The following ZNF385B variants were observed in gnomAD, a reference collection of about 807,000 sequenced individuals.
ZNF385B encodes zinc finger protein 533.
Under a neutral mutation model 39.2 loss-of-function variants are expected in ZNF385B, and 23 were observed. The observed-to-expected ratio is 0.59, with a 90% confidence interval of 0.42 to 0.83. The LOEUF (loss-of-function observed/expected upper bound fraction) is 0.83. Ranked by LOEUF, ZNF385B falls within the 40% of genes least tolerant of loss-of-function variation. The pLI, the probability that ZNF385B is intolerant of heterozygous loss-of-function variation, is 0.00. For synonymous variants in ZNF385B, 205 were observed against 222.6 expected, an observed-to-expected ratio of 0.92 and a Z score of 0.70; for missense variants, 552 against 598.9, an observed-to-expected ratio of 0.92 and a Z score of 0.82.
intron 3 of ZNF385B, among the ~76,000 whole-genome samples, chr2:179,729,435 G>A (rs1360733485): frequency 6.6e-6 from 1 of 152,174 alleles, no homozygotes; most frequent in Non-Finnish European, 1.5e-5. Context: ...AAACCTCTCA[G>A]AAGTTTCAAG....
intron 1 of ZNF385B, among the ~76,000 whole-genome samples, chr2:179,799,480 G>A (rs943490793): frequency 3.9e-5 from 6 of 151,952 alleles, no homozygotes; most frequent in Admixed American, 2.6e-4. Flanking sequence ...TGAAATATTG[G>A]TATGTAAAAA....
At chr2:179,492,327 C>G (rs1030452356) in intron 5 of ZNF385B, among the ~76,000 whole-genome samples, 2 of 152,106 alleles carry the variant, frequency 1.3e-5, no homozygotes, top group African/African-American at 4.8e-5. Flanking sequence ...ATAAGTAATG[C>G]AATATAATTC....
At position 179,645,732 on chromosome 2, in the gene ZNF385B, C is replaced by T. The variant is rs189466144; in HGVS notation, c.299-100763G>A. On this transcript the variant is annotated intron_variant, in intron 3 of 9. Coordinates refer to ENST00000410066, the MANE Select transcript of ZNF385B (RefSeq NM_152520.6). Reference sequence around the variant, plus strand: ...GGGGCTTTCTTTCTCATGAGCCCAGCCTGATGCGTGCTCTCCTTTCCTGAA... The same window carrying T: ...GGGGCTTTCTTTCTCATGAGCCCAGTCTGATGCGTGCTCTCCTTTCCTGAA... Among the ~76,000 whole-genome samples the T allele has an allele frequency of 3.9e-5, 6 of 152,286 alleles. No individual in the cohort carries two copies. In the South Asian group the frequency reaches 1.2e-3, roughly 32 times the overall value.
intron 6 of ZNF385B, among the ~76,000 whole-genome samples, chr2:179,448,939 A>C (rs2049794474): frequency 6.6e-6 from 1 of 152,144 alleles, no homozygotes. Context: ...CAATCATTTG[A>C]TTTAGGTTAT....
chr2:179,531,507 G>A (rs2059250567), intron 4 of ZNF385B, among the ~76,000 whole-genome samples: 1 of 151,904 alleles, frequency 6.6e-6, no homozygotes, highest in Non-Finnish European at 1.5e-5. Context: ...GTGGTGGTGG[G>A]CACCTGTAAT....
At chr2:179,784,412 C>G (rs146850360) in intron 1 of ZNF385B, among the ~76,000 whole-genome samples, 619 of 151,950 alleles carry the variant, frequency 4.1e-3, no homozygotes, top group Middle Eastern at 0.014. Context: ...ACAACAAACC[C>G]TTGTTCATGT....
chr2:179,850,387 G>A (rs1709019117), intron 1 of ZNF385B, among the ~76,000 whole-genome samples: 1 of 152,074 alleles, frequency 6.6e-6, no homozygotes, highest in African/African-American at 2.4e-5. Flanking sequence ...AAACTTCAAG[G>A]CAGCCATACC....
At chr2:179,683,234 A>C (rs944981407) in intron 3 of ZNF385B, among the ~76,000 whole-genome samples, 7 of 151,814 alleles carry the variant, frequency 4.6e-5, no homozygotes, top group Admixed American at 3.9e-4. Context: ...CTAAAAATAC[A>C]AAAAAATTAG....
intron 6 of ZNF385B, among the ~76,000 whole-genome samples, chr2:179,470,341 T>G (rs548933482): frequency 3.3e-5 from 5 of 152,306 alleles, no homozygotes; most frequent in Middle Eastern, 6.8e-3. Flanking sequence ...TTGTCATGCA[T>G]ATTTTGCTCT....
At chr2:179,600,003 T>C (rs1166710022) in intron 3 of ZNF385B, among the ~76,000 whole-genome samples, 3 of 152,168 alleles carry the variant, frequency 2.0e-5, no homozygotes, top group African/African-American at 7.2e-5. Flanking sequence ...GAATATGCCA[T>C]TATGACTATG....
At chr2:179,514,638 G>C (rs1297201277) in intron 5 of ZNF385B, among the ~76,000 whole-genome samples, 2 of 152,118 alleles carry the variant, frequency 1.3e-5, no homozygotes, top group East Asian at 3.8e-4. Context: ...GAAATAATAT[G>C]TATTCATACT....
intron 1 of ZNF385B, among the ~76,000 whole-genome samples, chr2:179,847,886 A>C (rs1339915107): frequency 1.3e-5 from 2 of 152,234 alleles, no homozygotes; most frequent in Non-Finnish European, 2.9e-5. Context: ...CACTTTAAAC[A>C]GAGTATCTTT....
At chr2:179,470,695 G>C (rs564487029) in intron 6 of ZNF385B, among the ~76,000 whole-genome samples, 1 of 152,192 alleles carries the variant, frequency 6.6e-6, no homozygotes, top group Non-Finnish European at 1.5e-5. Context: ...TGTGAGGCTA[G>C]TGTTAGCCTG....
At chr2:179,620,648 G>C (rs1415382739) in intron 3 of ZNF385B, among the ~76,000 whole-genome samples, 1 of 151,942 alleles carries the variant, frequency 6.6e-6, no homozygotes, top group African/African-American at 2.4e-5. Context: ...TGGCAGATCG[G>C]TAAAGAATAT....
chr2:179,737,185 G>C (rs908301950), intron 3 of ZNF385B, among the ~76,000 whole-genome samples: 1 of 152,094 alleles, frequency 6.6e-6, no homozygotes, highest in Non-Finnish European at 1.5e-5. Context: ...GGCGGTGTGG[G>C]GCTTGAGAGG....
Position 179,515,866 on chromosome 2 carries a change from A to G in ZNF385B, c.552+2662T>C, listed in dbSNP as rs192627341. 1.1e-4 allele frequency among the ~76,000 whole-genome samples: 17 copies of G among 152,294 alleles called. No homozygotes were observed. The East Asian group carries it at 2.5e-3, about 22-fold the overall frequency. ...ACTGTCATGTAAACATCACAACAAT[A>G]AAGTTATAAAATATTTTCATCATTC... On this transcript the variant is annotated intron_variant, in intron 5 of 9. Coordinates refer to ENST00000410066, the MANE Select transcript of ZNF385B (RefSeq NM_152520.6).
chr2:179,856,778 T>C (rs1301508637), intron 1 of ZNF385B, among the ~76,000 whole-genome samples: 1 of 152,178 alleles, frequency 6.6e-6, no homozygotes, highest in Non-Finnish European at 1.5e-5. Flanking sequence ...ACTGCAATCA[T>C]GTATCAGTAA....
intron 5 of ZNF385B, among the ~76,000 whole-genome samples, chr2:179,514,534 A>G (rs2057942138): frequency 6.6e-6 from 1 of 152,196 alleles, no homozygotes. Context: ...CTATGTTCTG[A>G]TAGAAAAAAA....
At chr2:179,682,600 T>C (rs6747496) in intron 3 of ZNF385B, among the ~76,000 whole-genome samples, 1 of 152,202 alleles carries the variant, frequency 6.6e-6, no homozygotes, top group Non-Finnish European at 1.5e-5. Context: ...CAGGCCTGTG[T>C]AATCTCCTTC....
Sources: allele counts gnomAD v4.1 joint callset (sites outside exome capture counted in the v4.1 genomes callset), GRCh38; gene constraint gnomAD v4.1.1; transcripts MANE v1.5; gene names NCBI Gene and HGNC (gene_info 2026-07-23, HGNC 2026-07-21).